The following PPFIA2 variants were observed in gnomAD, a reference collection of about 807,000 sequenced individuals.
PPFIA2 encodes PPFI scaffold protein A2.
Under a neutral mutation model 175.5 loss-of-function variants are expected in PPFIA2, and 46 were observed. That is an observed-to-expected ratio of 0.26 (90% CI 0.21 to 0.34). The LOEUF (loss-of-function observed/expected upper bound fraction) is 0.34, where lower values mean the gene tolerates loss of function less well. Among genes scored for constraint, PPFIA2 ranks in the 10% least tolerant of loss-of-function variants. The pLI is 1.00. For missense variants in PPFIA2, 1,179 were observed against 1,506.1 expected (o/e 0.78, Z 3.60); for synonymous variants, 568 against 511.4 (o/e 1.11, Z -1.49).
intron 19 of PPFIA2, among the ~76,000 whole-genome samples, chr12:81,341,815 C>T (rs1223831452): frequency 2.0e-5 from 3 of 152,062 alleles, no homozygotes; most frequent in Non-Finnish European, 2.9e-5. Flanking sequence ...AATTCACTAA[C>T]ATATAGCATT....
At chr12:81,635,920 T>TCACACA (rs3220848) in intron 4 of PPFIA2, among the ~76,000 whole-genome samples, 105 of 150,820 alleles carry the variant, frequency 7.0e-4, no homozygotes, top group Middle Eastern at 3.4e-3. Flanking sequence ...TCTCTCTCTC[T>TCACACA]CACACACACA....
chr12:81,511,687 A>T (rs775024135), intron 4 of PPFIA2, among the ~76,000 whole-genome samples: 1 of 152,054 alleles, frequency 6.6e-6, no homozygotes, highest in Non-Finnish European at 1.5e-5. Flanking sequence ...AACATAATCA[A>T]TGCTCGGTAC....
chr12:81,623,805 C>T (rs185192496), intron 4 of PPFIA2, among the ~76,000 whole-genome samples: 1 of 151,804 alleles, frequency 6.6e-6, no homozygotes, highest in East Asian at 1.9e-4. Context: ...ATACTGGGGT[C>T]AAAAAGGGCA....
At chr12:81,292,373 C>A (rs2045269498) in intron 24 of PPFIA2, 1 of 152,054 alleles carries the variant, frequency 6.6e-6, no homozygotes, top group Non-Finnish European at 1.5e-5. Context: ...GTTTGAACTG[C>A]ATCATTCCAC....
intron 4 of PPFIA2, among the ~76,000 whole-genome samples, chr12:81,464,863 G>A (rs12578997): frequency 0.36 from 52,240 of 146,998 alleles, 10,031 homozygotes; most frequent in East Asian, 0.55. Context: ...CTGATATTTA[G>A]TAATAAACAT....
chr12:81,472,572 C>T (rs898208315), intron 4 of PPFIA2: 5 of 152,276 alleles, frequency 3.3e-5, no homozygotes, highest in East Asian at 3.9e-4. Context: ...ACTTGCCAGA[C>T]TAAGGGCCAG....
intron 4 of PPFIA2, among the ~76,000 whole-genome samples, chr12:81,468,109 A>G (rs2056052592): frequency 6.6e-6 from 1 of 152,174 alleles, no homozygotes; most frequent in Admixed American, 6.5e-5. Context: ...AAAAAATAAA[A>G]CAAAACCTTG....
chr12:81,361,977 C>G (rs2030695651), intron 15 of PPFIA2, among the ~76,000 whole-genome samples: 1 of 148,286 alleles, frequency 6.7e-6, no homozygotes, highest in Non-Finnish European at 1.5e-5. Flanking sequence ...ACATATAGAT[C>G]TATCTATGTA....
chr12:81,261,808 T>C, intron 32 of PPFIA2, 141 bp downstream of exon 32: 2 of 568,710 alleles, frequency 3.5e-6, no homozygotes, highest in Non-Finnish European at 6.2e-6. Context: ...AAGATTTCTT[T>C]TTCCCCTGAA....
intron 4 of PPFIA2, among the ~76,000 whole-genome samples, chr12:81,618,725 G>T (rs572361963): frequency 1.3e-5 from 2 of 151,806 alleles, no homozygotes; most frequent in Admixed American, 6.6e-5. Context: ...GTAGAGAAAG[G>T]GTTTCACCAT....
At chr12:81,564,288 AAAG>A (rs1302915207) in intron 4 of PPFIA2, among the ~76,000 whole-genome samples, 2,242 of 87,008 alleles carry the variant, frequency 0.026, 47 homozygotes, top group South Asian at 0.054. Context: ...AAGCTGAAGG[AAAG>A]AAACTTAGAG....
At chr12:81,335,803 A>C (rs1326142440) in intron 21 of PPFIA2, among the ~76,000 whole-genome samples, 1 of 152,144 alleles carries the variant, frequency 6.6e-6, no homozygotes, top group Non-Finnish European at 1.5e-5. Context: ...AAAAATACAA[A>C]GAAATAGAAA....
At chr12:81,589,606 T>C (rs2153440624) in intron 4 of PPFIA2, among the ~76,000 whole-genome samples, 1 of 152,246 alleles carries the variant, frequency 6.6e-6, no homozygotes, top group South Asian at 2.1e-4. Context: ...TTACATAGTT[T>C]AGAATACTTT....
At chr12:81,545,152 C>T (rs1463158315) in intron 4 of PPFIA2, among the ~76,000 whole-genome samples, 1 of 151,768 alleles carries the variant, frequency 6.6e-6, no homozygotes, top group Non-Finnish European at 1.5e-5. Context: ...TACACATATG[C>T]ATGCTACACT....
In PPFIA2 at chr12:81,456,062, C is replaced by A. The variant is rs147714815; in HGVS notation, c.405+1703G>T. The stretch of plus-strand genomic sequence containing the variant: ...CTAACCAAAGCTTTGTATTTCCCTG[C>A]ATTCTCAGCTTTCTGCTCCTACTTT... On this transcript the variant is annotated intron_variant, in intron 5 of 32. Coordinates refer to ENST00000549396, the MANE Select transcript of PPFIA2 (RefSeq NM_003625.5). Among the ~76,000 whole-genome samples, 74 of 152,286 alleles carry A rather than the reference C, an allele frequency of 4.9e-4. No individual in the cohort carries two copies. The East Asian group carries it at 0.014, about 29-fold the overall frequency.
At chr12:81,395,698 C>G (rs1034436360) in intron 8 of PPFIA2, among the ~76,000 whole-genome samples, 4 of 152,064 alleles carry the variant, frequency 2.6e-5, no homozygotes, top group Non-Finnish European at 5.9e-5. Flanking sequence ...CATGCCAAGA[C>G]AGATTTATAA....
intron 3 of PPFIA2, among the ~76,000 whole-genome samples, chr12:81,708,010 TG>T (rs1384935562): frequency 8.7e-6 from 1 of 115,278 alleles, no homozygotes; most frequent in Admixed American, 1.2e-4. Context: ...CATCACACTC[TG>T]GGGACTGTTG....
At chr12:81,660,245 TC>T (rs1254963624) in intron 4 of PPFIA2, among the ~76,000 whole-genome samples, 22 of 151,856 alleles carry the variant, frequency 1.4e-4, no homozygotes, top group Admixed American at 9.9e-4. Context: ...TGATCAAACT[TC>T]CCGAGGTAAA....
intron 4 of PPFIA2, among the ~76,000 whole-genome samples, chr12:81,643,878 T>C (rs2065692154): frequency 6.6e-6 from 1 of 152,066 alleles, no homozygotes; most frequent in Non-Finnish European, 1.5e-5. Context: ...CAATGTTCCT[T>C]TTCTGTTTGG....
Sources: gnomAD v4.1 joint callset for allele counts (sites outside exome capture counted in the v4.1 genomes callset) on GRCh38, gnomAD v4.1.1 for gene constraint, MANE v1.5 for transcripts, NCBI Gene and HGNC (gene_info 2026-07-23, HGNC 2026-07-21) for gene names.